FAT4: variants seen among roughly 807,000 people sequenced by gnomAD.
FAT4 encodes protocadherin Fat 4.
In FAT4, 84 loss-of-function variants were observed where a neutral mutation model predicts 303.9. That is an observed-to-expected ratio of 0.28 (90% CI 0.23 to 0.33). The LOEUF is 0.33. FAT4 is among the 10% of genes least tolerant of loss of function. The pLI is 1.00. For synonymous variants in FAT4, 2,307 were observed against 2,298.8 expected, an observed-to-expected ratio of 1.00 and a Z score of -0.10; for missense variants, 6,005 against 6,146.8, an observed-to-expected ratio of 0.98 and a Z score of 0.77.
At chr4:125,386,827 A>G (rs1033318469) in intron 2 of FAT4, among the ~76,000 whole-genome samples, 1 of 152,190 alleles carries the variant, frequency 6.6e-6, no homozygotes, top group African/African-American at 2.4e-5. Flanking sequence ...TTTAAAAGAT[A>G]TAAGGACATA....
intron 2 of FAT4, among the ~76,000 whole-genome samples, chr4:125,378,096 T>C (rs1733401210): frequency 6.6e-6 from 1 of 152,066 alleles, no homozygotes; most frequent in Non-Finnish European, 1.5e-5. Flanking sequence ...TGATAAAAAA[T>C]ATGCCAATCC....
chr4:125,452,892 A>T (rs1056813644), intron 10 of FAT4, 82 bp downstream of exon 10: 2 of 1,458,510 alleles, frequency 1.4e-6, no homozygotes, highest in East Asian at 4.6e-5. Flanking sequence ...TCATTTTCCA[A>T]TGATTTTCAT....
chr4:125,332,433 A>G (rs142584503), intron 2 of FAT4, among the ~76,000 whole-genome samples: 241 of 152,260 alleles, frequency 1.6e-3, no homozygotes, highest in Admixed American at 5.2e-3. Context: ...GAAGTTATTT[A>G]TGAATTGTGA....
chr4:125,430,999 T>A (rs563659698), intron 7 of FAT4, among the ~76,000 whole-genome samples: 3 of 152,202 alleles, frequency 2.0e-5, no homozygotes, highest in Non-Finnish European at 4.4e-5. Flanking sequence ...GGCTCATTTT[T>A]TACTCCCCCC....
At chr4:125,420,058 A>AT (rs1735227144) in intron 7 of FAT4, among the ~76,000 whole-genome samples, 1 of 152,138 alleles carries the variant, frequency 6.6e-6, no homozygotes, top group Non-Finnish European at 1.5e-5. Flanking sequence ...TGTCATGGTC[A>AT]TTTTGTCATT....
rs148772745 is a variant in FAT4 at position 125,359,006 on chromosome 4, A to G, written c.5175+37420A>G. ...TGTTTTATTAAGTATTTAATTGTGCATGAGTAATCATTGCCATTATTGATT... is the reference window on the plus strand; with the variant it reads ...TGTTTTATTAAGTATTTAATTGTGCGTGAGTAATCATTGCCATTATTGATT... On this transcript the variant is annotated intron_variant, in intron 2 of 17. Transcript: ENST00000394329. Among the ~76,000 whole-genome samples, 23 of 152,318 alleles carry G rather than the reference A, an allele frequency of 1.5e-4. No individual in the cohort carries two copies. The East Asian group carries it at 3.5e-3, about 23-fold the overall frequency.
chr4:125,452,907 A>G lies in FAT4; in HGVS notation c.11800+97A>G, dbSNP rs1726149818. ...TCATTTTCCAATGATTTTCATATAA[A>G]TGAGCATAATAGTAACAAATGTTTT... On this transcript the variant is annotated intron_variant, in intron 10 of 17. Coordinates refer to ENST00000394329, the MANE Select transcript of FAT4 (RefSeq NM_001291303.3). The G allele has an allele frequency of 6.5e-6, 9 of 1,379,538 alleles. No homozygotes were observed. The East Asian group carries it at 2.1e-4, about 32-fold the overall frequency. The allele number at this position is 1,379,538 out of a possible 1,614,324, so 85.5% of individuals were successfully genotyped here.
chr4:125,458,239 G>A (rs963805557), intron 10 of FAT4, among the ~76,000 whole-genome samples: 2 of 151,944 alleles, frequency 1.3e-5, no homozygotes, highest in African/African-American at 4.8e-5. Context: ...GAAAGATGAG[G>A]TTTGTTCATT....
At position 125,491,601 on chromosome 4, in the gene FAT4, A is replaced by T; in HGVS notation, c.14785A>T (p.Thr4929Ser). The change falls in exon 18 of 18, where the codon ACT becomes TCT. Residue 4929 changes from threonine (T) to serine (S), a missense_variant. Thr to Ser is a moderately conservative substitution (Grantham distance 58). Transcript: ENST00000394329. ...LPMKLGQQAG[T>S]FNWDNLLNWG... ...CATGAAGCTAGGGCAGCAAGCAGGG[A>T]CTTTCAACTGGGACAACCTTTTGAA... 1 of 1,614,194 alleles carries T rather than the reference A, an allele frequency of 6.2e-7. No individual in the cohort carries two copies. Among genetic ancestry groups the T allele is most frequent in the Non-Finnish European group, 8.5e-7 (1 of 1,180,030 alleles).
chr4:125,454,721 T>C (rs1161158928), intron 10 of FAT4, among the ~76,000 whole-genome samples: 1 of 152,086 alleles, frequency 6.6e-6, no homozygotes, highest in East Asian at 1.9e-4. Context: ...TAATCTCAGC[T>C]ACTCAGGAGA....
chr4:125,418,096 A>T (rs1253750564), intron 7 of FAT4, among the ~76,000 whole-genome samples: 2 of 152,238 alleles, frequency 1.3e-5, no homozygotes, highest in African/African-American at 4.8e-5. Flanking sequence ...GTTTTCATTC[A>T]AAAGTCAAAC....
At position 125,318,676 on chromosome 4, in the gene FAT4, A is replaced by C. The variant is rs377230037; in HGVS notation, c.2265A>C (p.Glu755Asp). 9.2e-5 allele frequency: 148 copies of C among 1,614,068 alleles called. No individual in the cohort carries two copies. The highest frequency in any genetic ancestry group is 1.2e-4 in the Non-Finnish European group (139 of 1,180,036). Reference protein sequence around the residue: ...ISTRMALDREEKTAYQLQIVA... With the variant: ...ISTRMALDREDKTAYQLQIVA... ...CAAGAATGGCCCTAGACAGAGAAGA[A>C]AAAACAGCTTATCAGTTGCAAATAG... The change falls in exon 2 of 18, where the codon GAA (glutamate) becomes GAC (aspartate). Residue 755 changes from glutamate (E) to aspartate (D), a missense_variant. Transcript: ENST00000394329.
Position 125,317,326 on chromosome 4 carries a change from C to T in FAT4, c.915C>T (p.Ile305=), listed in dbSNP as rs1315427798. 1 of 1,609,322 alleles carries T rather than the reference C, an allele frequency of 6.2e-7. No homozygotes were observed. Among genetic ancestry groups the T allele is most frequent in the East Asian group, 2.2e-5 (1 of 44,742 alleles). ...AAATGGACCCTGAGACGGGACTTAT[C>T]ACGGTGCGGGAGCCCCTGGACTTCG... ...PFQMDPETGL[I]TVREPLDFEA... Residue 305 remains isoleucine (I), a synonymous_variant, in exon 2 of 18, where the codon ATC becomes ATT. Coordinates refer to ENST00000394329, the MANE Select transcript of FAT4 (RefSeq NM_001291303.3). This position sits in a 1 kb window ranked among gnomAD's most constrained non-coding sequence, Gnocchi z 7.0.
At chr4:125,463,146 A>C (rs1726538184) in intron 10 of FAT4, among the ~76,000 whole-genome samples, 1 of 151,944 alleles carries the variant, frequency 6.6e-6, no homozygotes, top group Non-Finnish European at 1.5e-5. Context: ...AAATAAGATA[A>C]GTTATTATCT....
intron 2 of FAT4, among the ~76,000 whole-genome samples, chr4:125,347,436 C>T (rs751693737): frequency 6.6e-6 from 1 of 151,292 alleles, no homozygotes; most frequent in Non-Finnish European, 1.5e-5. Flanking sequence ...TTTTCTAGAA[C>T]TGCCCTTCTT....
intron 2 of FAT4, among the ~76,000 whole-genome samples, chr4:125,392,338 G>A (rs1734006060): frequency 6.6e-6 from 1 of 152,054 alleles, no homozygotes; most frequent in African/African-American, 2.4e-5. Flanking sequence ...AATCCAAAAA[G>A]TCAATAAAGT....
Position 125,320,735 on chromosome 4 carries a change from G to A in FAT4, c.4324G>A (p.Val1442Met). 2.5e-6 allele frequency: 4 copies of A among 1,614,156 alleles called. No individual in the cohort carries two copies. Among genetic ancestry groups the A allele is most frequent in the African/African-American group, 1.3e-5 (1 of 75,036 alleles). ...NIPIGTSVIS[V>M]TAHDPDADIN... is the part of the protein sequence containing the mutation. The stretch of plus-strand genomic sequence containing the variant: ...TCCCATCGGTACATCTGTCATTTCA[G>A]TGACTGCACATGACCCTGATGCAGA... Residue 1442 changes from valine (V) to methionine (M), a missense_variant, in exon 2 of 18, where the codon GTG becomes ATG. Transcript: ENST00000394329.
intron 3 of FAT4, among the ~76,000 whole-genome samples, chr4:125,404,747 T>C (rs1350102734): frequency 1.3e-5 from 2 of 152,102 alleles, no homozygotes; most frequent in African/African-American, 4.8e-5. Context: ...CTGTCTGTCC[T>C]GGAAAACCAC....
chr4:125,458,287 A>T (rs1726357727), intron 10 of FAT4, among the ~76,000 whole-genome samples: 1 of 151,900 alleles, frequency 6.6e-6, no homozygotes, highest in South Asian at 2.1e-4. Context: ...AAACAGTAAA[A>T]TTTTTTCAGA....
Sources: gnomAD v4.1 joint callset for allele counts (sites outside exome capture counted in the v4.1 genomes callset) on GRCh38, gnomAD v4.1.1 for gene constraint, Gnocchi (gnomAD v3.1) non-coding constraint, MANE v1.5 for transcripts, NCBI Gene and HGNC (gene_info 2026-07-23, HGNC 2026-07-21) for gene names.